KCNJ6: variants seen among roughly 807,000 people sequenced by gnomAD.
The protein encoded by KCNJ6 is G protein-activated inward rectifier potassium channel 2.
KCNJ6 carries 9 observed loss-of-function variants against 34.2 expected under a neutral mutation model. That is an observed-to-expected ratio of 0.26 (90% CI 0.16 to 0.46). The LOEUF is 0.46. Among genes scored for constraint, KCNJ6 ranks in the 20% least tolerant of loss-of-function variants. The pLI, the probability that KCNJ6 is intolerant of heterozygous loss-of-function variation, is 1.00. For synonymous variants in KCNJ6, 196 were observed against 207.1 expected (o/e 0.95, Z 0.46); for missense variants, 236 against 531.3 (o/e 0.44, Z 5.46).
chr21:37,858,769 A>G (rs2055578099), intron 1 of KCNJ6, among the ~76,000 whole-genome samples: 1 of 152,136 alleles, frequency 6.6e-6, no homozygotes, highest in African/African-American at 2.4e-5. Flanking sequence ...GAAATTCTCC[A>G]TGGGTTTTTT....
intron 3 of KCNJ6, among the ~76,000 whole-genome samples, chr21:37,630,675 A>G (rs1156559406): frequency 6.6e-6 from 1 of 152,204 alleles, no homozygotes; most frequent in Non-Finnish European, 1.5e-5. Context: ...AGTAAAAATT[A>G]TACATATTGA....
At chr21:37,799,997 T>C (rs2055261733) in intron 2 of KCNJ6, among the ~76,000 whole-genome samples, 1 of 152,186 alleles carries the variant, frequency 6.6e-6, no homozygotes, top group African/African-American at 2.4e-5. Flanking sequence ...CTGTTAAACC[T>C]TGGACTCCTC....
intron 2 of KCNJ6, among the ~76,000 whole-genome samples, chr21:37,822,761 C>T (rs997174195): frequency 1.3e-5 from 2 of 152,200 alleles, no homozygotes; most frequent in African/African-American, 4.8e-5. Flanking sequence ...AGGAAAAGAA[C>T]CTATGGCTCT....
At chr21:37,782,438 C>G (rs2835955) in intron 2 of KCNJ6, among the ~76,000 whole-genome samples, 38 of 151,832 alleles carry the variant, frequency 2.5e-4, no homozygotes, top group African/African-American at 8.5e-4. Flanking sequence ...TGCTTACCAC[C>G]TGCAAACCTT....
At chr21:37,691,207 A>G (rs2054638087) in intron 3 of KCNJ6, among the ~76,000 whole-genome samples, 1 of 152,200 alleles carries the variant, frequency 6.6e-6, no homozygotes, top group Non-Finnish European at 1.5e-5. Flanking sequence ...AGCCACTGCA[A>G]GGGCAGATGG....
At chr21:37,642,189 A>G (rs1290071179) in intron 3 of KCNJ6, among the ~76,000 whole-genome samples, 1 of 152,192 alleles carries the variant, frequency 6.6e-6, no homozygotes, top group Non-Finnish European at 1.5e-5. Context: ...TCAGTGGCAT[A>G]TGGATGATAA....
chr21:37,644,872 C>T (rs755431294), intron 3 of KCNJ6, among the ~76,000 whole-genome samples: 6 of 152,092 alleles, frequency 3.9e-5, no homozygotes, highest in Middle Eastern at 3.2e-3. Flanking sequence ...GGGAGACTGG[C>T]GAAACAATAG....
intron 1 of KCNJ6, among the ~76,000 whole-genome samples, chr21:37,872,757 A>G (rs1027288316): frequency 1.4e-4 from 21 of 152,140 alleles, no homozygotes; most frequent in Non-Finnish European, 2.6e-4. Flanking sequence ...TCTCATCTTG[A>G]ATTGTAATCC....
At chr21:37,906,702 G>A (rs1037959359) in intron 1 of KCNJ6, among the ~76,000 whole-genome samples, 2 of 152,182 alleles carry the variant, frequency 1.3e-5, no homozygotes, top group Non-Finnish European at 2.9e-5. Flanking sequence ...CAGTCAAGGA[G>A]ACATGTGGAG....
chr21:37,802,239 A>T (rs1290886857), intron 2 of KCNJ6, among the ~76,000 whole-genome samples: 2 of 152,182 alleles, frequency 1.3e-5, no homozygotes, highest in Non-Finnish European at 2.9e-5. Context: ...GAACACCCCA[A>T]GCTTCCCAGT....
At chr21:37,829,449 T>C (rs1010100684) in intron 2 of KCNJ6, among the ~76,000 whole-genome samples, 1 of 152,132 alleles carries the variant, frequency 6.6e-6, no homozygotes, top group Non-Finnish European at 1.5e-5. Flanking sequence ...TTGGGTTTGG[T>C]TGGGGCTCCT....
At position 37,709,880 on chromosome 21, in the gene KCNJ6, C is replaced by T. The variant is rs544338313; in HGVS notation, c.946+4331G>A. On this transcript the variant is annotated intron_variant, in intron 3 of 3. Transcript: ENST00000609713. ...TGAAGGATGGGTGATGGGTTGCCTT[C>T]ACCTATTTCCAGTGAACACTGGCTG... 3.3e-5 allele frequency among the ~76,000 whole-genome samples: 5 copies of T among 152,310 alleles called. No individual in the cohort carries two copies. The South Asian group carries it at 1.0e-3, about 32-fold the overall frequency.
intron 3 of KCNJ6, among the ~76,000 whole-genome samples, chr21:37,636,434 A>C (rs546595504): frequency 2.1e-4 from 32 of 152,312 alleles, no homozygotes; most frequent in African/African-American, 7.5e-4. Flanking sequence ...AGCTTTTAAC[A>C]ATTATTTCAT....
chr21:37,674,661 A>G (rs963234335), intron 3 of KCNJ6, among the ~76,000 whole-genome samples: 7 of 151,346 alleles, frequency 4.6e-5, no homozygotes, highest in Non-Finnish European at 7.4e-5. Context: ...TGGATCTAGT[A>G]TTAGCTCTGC....
chr21:37,790,046 A>G (rs185306569), intron 2 of KCNJ6, among the ~76,000 whole-genome samples: 2 of 152,320 alleles, frequency 1.3e-5, no homozygotes, highest in South Asian at 2.1e-4. Flanking sequence ...TTTGGGATAA[A>G]GTAAGGTCTA....
chr21:37,715,934 C>G (rs943304475), intron 2 of KCNJ6, among the ~76,000 whole-genome samples: 1 of 152,200 alleles, frequency 6.6e-6, no homozygotes, highest in Non-Finnish European at 1.5e-5. Flanking sequence ...GCAGCCTGAA[C>G]TGACTTACAA....
chr21:37,670,061 T>C (rs1230441098), intron 3 of KCNJ6, among the ~76,000 whole-genome samples: 1 of 152,226 alleles, frequency 6.6e-6, no homozygotes, highest in Non-Finnish European at 1.5e-5. Flanking sequence ...AGGTAGAGTT[T>C]CAACTAATTC....
At chr21:37,653,937 AC>A (rs1365800403) in intron 3 of KCNJ6, among the ~76,000 whole-genome samples, 1 of 151,910 alleles carries the variant, frequency 6.6e-6, no homozygotes, top group Non-Finnish European at 1.5e-5. Flanking sequence ...AGAGAGTCCC[AC>A]CCCAACAGAG....
chr21:37,668,508 G>A (rs971388649), intron 3 of KCNJ6, among the ~76,000 whole-genome samples: 9 of 152,070 alleles, frequency 5.9e-5, no homozygotes, highest in Admixed American at 2.0e-4. Context: ...TAATGGCCTC[G>A]TTTACCTTAA....
Sources: allele counts gnomAD v4.1 joint callset (sites outside exome capture counted in the v4.1 genomes callset), GRCh38; gene constraint gnomAD v4.1.1; transcripts MANE v1.5; gene names NCBI Gene and HGNC (gene_info 2026-07-23, HGNC 2026-07-21).